PTPRO: variants seen among roughly 807,000 people sequenced by gnomAD.
The protein encoded by PTPRO is receptor-type tyrosine-protein phosphatase O.
PTPRO carries 62 observed loss-of-function variants against 145.2 expected under a neutral mutation model. The ratio of observed to expected loss-of-function variants is 0.43; its 90% CI spans 0.35 to 0.53. The LOEUF is 0.53. Ranked by LOEUF, PTPRO falls within the 20% of genes least tolerant of loss-of-function variation. The pLI is 0.01. For synonymous variants in PTPRO, 565 were observed against 514.7 expected (o/e 1.10, Z -1.32); for missense variants, 1,345 against 1,482.7 (o/e 0.91, Z 1.53).
intron 5 of PTPRO, among the ~76,000 whole-genome samples, chr12:15,502,980 A>G (rs1942251610): frequency 1.3e-5 from 2 of 152,182 alleles, no homozygotes; most frequent in African/African-American, 4.8e-5. Context: ...ACTTAATAGC[A>G]TGAGATACAA....
At chr12:15,345,308 C>T (rs960163782) in intron 1 of PTPRO, among the ~76,000 whole-genome samples, 2 of 152,142 alleles carry the variant, frequency 1.3e-5, no homozygotes, top group African/African-American at 2.4e-5. Context: ...CACATGCACA[C>T]GTGTGTTTAT....
At chr12:15,461,513 A>G (rs1018715731) in intron 1 of PTPRO, among the ~76,000 whole-genome samples, 20 of 145,832 alleles carry the variant, frequency 1.4e-4, no homozygotes, top group Non-Finnish European at 3.0e-4. Context: ...CAACATCTTC[A>G]TCTCCTCCCC....
At chr12:15,481,231 T>C (rs181276777) in intron 1 of PTPRO, among the ~76,000 whole-genome samples, 3 of 152,332 alleles carry the variant, frequency 2.0e-5, no homozygotes, top group Admixed American at 6.5e-5. Context: ...GCATGGTTCA[T>C]ATTTTGTGTT....
At chr12:15,481,890 T>G (rs1237082028) in intron 1 of PTPRO, among the ~76,000 whole-genome samples, 1 of 152,044 alleles carries the variant, frequency 6.6e-6, no homozygotes, top group Non-Finnish European at 1.5e-5. Context: ...CAAAAATCAA[T>G]AAGTTAAACT....
At chr12:15,565,195 T>A (rs1943866248) in intron 17 of PTPRO, among the ~76,000 whole-genome samples, 1 of 152,192 alleles carries the variant, frequency 6.6e-6, no homozygotes, top group African/African-American at 2.4e-5. Context: ...CATTCCACCG[T>A]CTCTTTATTA....
intron 1 of PTPRO, among the ~76,000 whole-genome samples, chr12:15,394,494 A>C (rs1390385719): frequency 6.6e-6 from 1 of 152,142 alleles, no homozygotes; most frequent in Non-Finnish European, 1.5e-5. Context: ...TCATTTAGTT[A>C]CTTTTTAGAG....
chr12:15,536,187 A>C (rs1276817185), intron 12 of PTPRO, among the ~76,000 whole-genome samples: 1 of 152,240 alleles, frequency 6.6e-6, no homozygotes, highest in African/African-American at 2.4e-5. Context: ...AATGGAGAAA[A>C]GGAGATGATA....
intron 1 of PTPRO, among the ~76,000 whole-genome samples, chr12:15,364,703 T>A (rs1324038197): frequency 6.6e-6 from 1 of 152,124 alleles, no homozygotes; most frequent in African/African-American, 2.4e-5. Context: ...ATAGCAACAG[T>A]GACACATGCC....
At chr12:15,360,866 G>GTGTGTATATACACACATACACA (rs966451157) in intron 1 of PTPRO, among the ~76,000 whole-genome samples, 3 of 117,190 alleles carry the variant, frequency 2.6e-5, no homozygotes, top group African/African-American at 9.3e-5. Flanking sequence ...GTGTATATAT[G>GTGTGTATATACACACATACACA]TGTGTATATA....
At chr12:15,498,887 A>G (rs1337772827) in intron 3 of PTPRO, among the ~76,000 whole-genome samples, 1 of 151,944 alleles carries the variant, frequency 6.6e-6, no homozygotes, top group Non-Finnish European at 1.5e-5. Context: ...TTGTTCTCTC[A>G]TTTCTTTTGA....
In PTPRO at chr12:15,416,547, C is replaced by T. The variant is rs187006660; in HGVS notation, c.76-67427C>T. ...TGTTAGCCAGGATGGTCTCGATCTC[C>T]TGACCTCATGATCTGCCTGCCTCGG... On this transcript the variant is annotated intron_variant, in intron 1 of 26. Transcript: ENST00000281171. Among the ~76,000 whole-genome samples, 18 of 151,356 alleles carry T rather than the reference C, an allele frequency of 1.2e-4. 2 individuals are homozygous for T. The highest frequency in any genetic ancestry group is 7.9e-4 in the Admixed American group (12 of 15,254).
intron 12 of PTPRO, among the ~76,000 whole-genome samples, chr12:15,542,068 T>G (rs1943191984): frequency 1.3e-5 from 2 of 152,064 alleles, no homozygotes; most frequent in Admixed American, 1.3e-4. Flanking sequence ...GCATATGAAT[T>G]TAGGCGGAGG....
intron 1 of PTPRO, among the ~76,000 whole-genome samples, chr12:15,433,652 A>C (rs1284265171): frequency 6.6e-6 from 1 of 152,156 alleles, no homozygotes; most frequent in Non-Finnish European, 1.5e-5. Flanking sequence ...GCTTTGTTGA[A>C]GATCAGATGG....
intron 1 of PTPRO, among the ~76,000 whole-genome samples, chr12:15,418,259 G>T (rs922696618): frequency 6.6e-6 from 1 of 151,706 alleles, no homozygotes; most frequent in Non-Finnish European, 1.5e-5. Context: ...ATCACAACAG[G>T]CCCTACATAT....
At chr12:15,521,586 C>G (rs1449934484) in intron 10 of PTPRO, among the ~76,000 whole-genome samples, 2 of 152,150 alleles carry the variant, frequency 1.3e-5, no homozygotes, top group African/African-American at 4.8e-5. Context: ...CAACCTGGGA[C>G]TGCTCAATTC....
At chr12:15,407,853 C>T (rs1361871251) in intron 1 of PTPRO, among the ~76,000 whole-genome samples, 1 of 152,182 alleles carries the variant, frequency 6.6e-6, no homozygotes, top group African/African-American at 2.4e-5. Context: ...TTATCAAGCT[C>T]ATTCACTTTA....
At chr12:15,343,024 T>C (rs1277844026) in intron 1 of PTPRO, among the ~76,000 whole-genome samples, 3 of 152,136 alleles carry the variant, frequency 2.0e-5, no homozygotes, top group Non-Finnish European at 4.4e-5. Flanking sequence ...ATAGCAAAAA[T>C]TACTTATCTA....
chr12:15,589,379 GAAA>G (rs34222753), intron 24 of PTPRO, 73 bp from the exon 25 acceptor site: 228 of 1,262,596 alleles, frequency 1.8e-4, no homozygotes, highest in African/African-American at 5.3e-4. Context: ...CCATCTCAAA[GAAA>G]AAAAAAAAAA....
chr12:15,436,926 G>C (rs934471023), intron 1 of PTPRO, among the ~76,000 whole-genome samples: 3 of 152,052 alleles, frequency 2.0e-5, no homozygotes, highest in Non-Finnish European at 4.4e-5. Flanking sequence ...TTGCAGCCAG[G>C]GCCAGCTTGG....
Sources: gnomAD v4.1 joint callset for allele counts (sites outside exome capture counted in the v4.1 genomes callset) on GRCh38, gnomAD v4.1.1 for gene constraint, MANE v1.5 for transcripts, NCBI Gene and HGNC (gene_info 2026-07-23, HGNC 2026-07-21) for gene names.